BAIAP2L1: variants seen among roughly 807,000 people sequenced by gnomAD.
The protein encoded by BAIAP2L1 is BAR/IMD domain containing adaptor protein 2 like 1, also known as BAR/IMD domain-containing adapter protein 2-like 1.
A neutral mutation model predicts 66.3 loss-of-function variants in BAIAP2L1; 35 were observed. The ratio of observed to expected loss-of-function variants is 0.53; its 90% CI spans 0.40 to 0.70. The LOEUF (loss-of-function observed/expected upper bound fraction) is 0.70. Ranked by LOEUF, BAIAP2L1 falls within the 30% of genes least tolerant of loss-of-function variation. BAIAP2L1 has a pLI of 0.00. For missense variants in BAIAP2L1, 622 were observed against 656.9 expected (o/e 0.95, Z 0.58); for synonymous variants, 269 against 248.7 (o/e 1.08, Z -0.77).
chr7:98,313,705 A>T (rs1310521485), intron 7 of BAIAP2L1, among the ~76,000 whole-genome samples: 5 of 151,850 alleles, frequency 3.3e-5, no homozygotes, highest in African/African-American at 1.2e-4. Flanking sequence ...TGCAACCTCG[A>T]ACTCCTGGGC....
chr7:98,338,722 T>C (rs540818008), intron 3 of BAIAP2L1, among the ~76,000 whole-genome samples: 54 of 152,298 alleles, frequency 3.5e-4, no homozygotes, highest in Non-Finnish European at 6.2e-4. Flanking sequence ...GGTGGACATC[T>C]GGGCTGCCTC....
chr7:98,310,293 C>CA, intron 9 of BAIAP2L1, 152 bp downstream of exon 9: 1 of 730,602 alleles, frequency 1.4e-6, no homozygotes, highest in Non-Finnish European at 2.2e-6. Context: ...CTTCTGAACT[C>CA]ACGCTCTGCA....
At chr7:98,295,360 G>A (rs1245747448) in intron 12 of BAIAP2L1, among the ~76,000 whole-genome samples, 1 of 152,172 alleles carries the variant, frequency 6.6e-6, no homozygotes, top group African/African-American at 2.4e-5. Context: ...CATCACTGGA[G>A]CACAAAGCCA....
At chr7:98,385,760 C>A (rs771071818) in intron 1 of BAIAP2L1, 554 of 1,413,808 alleles carry the variant, frequency 3.9e-4, no homozygotes, top group Non-Finnish European at 5.2e-4. Flanking sequence ...TCACAAATAG[C>A]ACTCTTTATT....
chr7:98,357,043 ATATATATTT>A (rs1435655847), intron 2 of BAIAP2L1, among the ~76,000 whole-genome samples: 1 of 16,758 alleles, frequency 6.0e-5, no homozygotes, highest in South Asian at 3.7e-3. Flanking sequence ...ATATATATAT[ATATATATTT>A]TTTTTTTTTT....
chr7:98,297,029 G>C (rs966748984), intron 12 of BAIAP2L1, among the ~76,000 whole-genome samples: 1 of 152,202 alleles, frequency 6.6e-6, no homozygotes, highest in African/African-American at 2.4e-5. Context: ...AGGGCCCCGC[G>C]GGCACTGCCT....
At chr7:98,369,660 C>CT (rs1267254653) in intron 1 of BAIAP2L1, among the ~76,000 whole-genome samples, 2 of 137,528 alleles carry the variant, frequency 1.5e-5, no homozygotes, top group Non-Finnish European at 3.0e-5. Flanking sequence ...ATTTGATTTC[C>CT]TAATTTTTTT....
At chr7:98,355,166 A>G in intron 2 of BAIAP2L1, 38 bp from the exon 3 acceptor site, 1 of 1,433,664 alleles carries the variant, frequency 7.0e-7, no homozygotes, top group Non-Finnish European at 9.8e-7. Flanking sequence ...CGTCACTTAG[A>G]CAAGGAAAGG....
chr7:98,360,668 AC>A, intron 2 of BAIAP2L1, among the ~76,000 whole-genome samples: 1 of 152,154 alleles, frequency 6.6e-6, no homozygotes, highest in South Asian at 2.1e-4. Context: ...AGAAAAAAAA[AC>A]TGCAGGTCAC....
intron 13 of BAIAP2L1, 85 bp downstream of exon 13, chr7:98,293,989 G>C (rs1800077075): frequency 2.7e-6 from 4 of 1,460,344 alleles, no homozygotes; most frequent in Middle Eastern, 2.0e-4. Flanking sequence ...GGACCCCCTG[G>C]GCTGGGCACC....
At chr7:98,300,337 A>G (rs1800370192) in intron 12 of BAIAP2L1, among the ~76,000 whole-genome samples, 1 of 152,148 alleles carries the variant, frequency 6.6e-6, no homozygotes. Flanking sequence ...GCGCTCCCGG[A>G]ACTCCTGACT....
chr7:98,393,130 TAC>T (rs1300269076), intron 1 of BAIAP2L1, among the ~76,000 whole-genome samples: 2 of 101,056 alleles, frequency 2.0e-5, no homozygotes, highest in East Asian at 2.6e-4. Flanking sequence ...TATGTATATA[TAC>T]ACACATATGT....
chr7:98,385,724 A>G, intron 1 of BAIAP2L1: 2 of 1,241,646 alleles, frequency 1.6e-6, no homozygotes. Flanking sequence ...AGGAATCAAC[A>G]TTTCTTTTTT....
intron 9 of BAIAP2L1, chr7:98,308,136 C>A: frequency 1.6e-6 from 1 of 642,156 alleles, no homozygotes; most frequent in Non-Finnish European, 2.9e-6. Context: ...ATCCCTGCGG[C>A]TGCGGGCTCT....
Position 98,317,201 on chromosome 7 carries a change from T to C in BAIAP2L1, c.486+18A>G. 1 of 1,614,024 alleles carries C rather than the reference T, an allele frequency of 6.2e-7. No individual in the cohort carries two copies. The highest frequency in any genetic ancestry group is 8.5e-7 in the Non-Finnish European group (1 of 1,179,974). On this transcript the variant is annotated intron_variant, in intron 6 of 13. Coordinates refer to ENST00000005260, the MANE Select transcript of BAIAP2L1 (RefSeq NM_018842.5). ...TTGTCAACAACAAAAGAAAACAAGA[T>C]ATTGTTGAAAAGCTCACCTCAATTT...
chr7:98,320,049 T>C lies in BAIAP2L1; in HGVS notation c.348+9A>G, dbSNP rs367626859. 43 of 1,610,126 alleles carry C rather than the reference T, an allele frequency of 2.7e-5. No homozygotes were observed. Among genetic ancestry groups the C allele is most frequent in the Non-Finnish European group, 3.5e-5 (41 of 1,177,744 alleles). On this transcript the variant is annotated intron_variant, in intron 5 of 13. Coordinates refer to ENST00000005260, the MANE Select transcript of BAIAP2L1 (RefSeq NM_018842.5). ...CAAGGCTGGGGCTGGAGGAAAACCATGCACTTACGTTCATATATTTCACGT... is the reference window on the plus strand; with the variant it reads ...CAAGGCTGGGGCTGGAGGAAAACCACGCACTTACGTTCATATATTTCACGT...
intron 1 of BAIAP2L1, among the ~76,000 whole-genome samples, chr7:98,393,123 G>GTGTACATATATATGTACACATATATGTA (rs1803100370): frequency 7.7e-5 from 6 of 77,432 alleles, no homozygotes; most frequent in Non-Finnish European, 1.1e-4. Context: ...ACACATATAT[G>GTGTACATATATATGTACACATATATGTA]TATATATACA....
intron 1 of BAIAP2L1, among the ~76,000 whole-genome samples, chr7:98,387,028 C>T (rs921601195): frequency 6.6e-6 from 1 of 152,052 alleles, no homozygotes; most frequent in Non-Finnish European, 1.5e-5. Flanking sequence ...GACTGTACAT[C>T]GCCTTAAAAC....
At chr7:98,383,194 AAAAG>A (rs887265844) in intron 1 of BAIAP2L1, among the ~76,000 whole-genome samples, 14 of 151,006 alleles carry the variant, frequency 9.3e-5, no homozygotes, top group South Asian at 8.6e-4. Context: ...ACAAACAAAA[AAAAG>A]AAAAGAAAAG....
Sources: allele counts gnomAD v4.1 joint callset (sites outside exome capture counted in the v4.1 genomes callset), GRCh38; gene constraint gnomAD v4.1.1; transcripts MANE v1.5; gene names NCBI Gene and HGNC (gene_info 2026-07-23, HGNC 2026-07-21).